The following ABCA8 variants were observed in gnomAD, a reference collection of about 807,000 sequenced individuals.
The protein encoded by ABCA8 is ATP binding cassette subfamily A member 8.
In ABCA8, 177 loss-of-function variants were observed where a neutral mutation model predicts 192.3. That is an observed-to-expected ratio of 0.92 (90% CI 0.81 to 1.04). The LOEUF (loss-of-function observed/expected upper bound fraction) is 1.04. ABCA8 is among the 50% of genes least tolerant of loss of function. The probability of loss-of-function intolerance (pLI) is 0.00; values close to 1 mark genes in which losing one functional copy is unlikely to be tolerated. For synonymous variants in ABCA8, 642 were observed against 690.2 expected (o/e 0.93, Z 1.09); for missense variants, 1,915 against 1,904.8 (o/e 1.01, Z -0.10).
chr17:68,927,842 T>C (rs2067745002), intron 10 of ABCA8, 74 bp downstream of exon 10: 1 of 1,142,232 alleles, frequency 8.8e-7, no homozygotes, highest in Admixed American at 3.1e-5. Context: ...ATAAATAGTA[T>C]ATCCATTAGG....
chr17:68,948,499 G>A (rs1386208489), intron 2 of ABCA8, among the ~76,000 whole-genome samples: 4 of 152,098 alleles, frequency 2.6e-5, no homozygotes, highest in African/African-American at 9.7e-5. Context: ...GTGATCAGTG[G>A]TGATGAGTTT....
rs151008920 is a variant in ABCA8, at chr17:68,934,203, A to C, written c.467-932T>G. 7.9e-5 allele frequency among the ~76,000 whole-genome samples: 12 copies of C among 152,028 alleles called. No homozygotes were observed. In the East Asian group the frequency reaches 2.3e-3, roughly 29 times the overall value. ...CTCATTTAATTTTTTCTTCTTTTTTATGGTTATGGAATCCCATTGCAGGAA... is the reference window on the plus strand; with the variant it reads ...CTCATTTAATTTTTTCTTCTTTTTTCTGGTTATGGAATCCCATTGCAGGAA... On this transcript the variant is annotated intron_variant, in intron 5 of 39. Coordinates refer to ENST00000586539, the MANE Select transcript of ABCA8 (RefSeq NM_001288985.2).
At position 68,928,002 on chromosome 17, in the gene ABCA8, T is replaced by A; in HGVS notation, c.1187A>T (p.Asn396Ile). 6.2e-7 allele frequency: 1 copy of A among 1,608,450 alleles called. No individual in the cohort carries two copies. Among genetic ancestry groups the A allele is most frequent in the Non-Finnish European group, 8.5e-7 (1 of 1,177,862 alleles). Residue 396 changes from asparagine (N) to isoleucine (I), a missense_variant, in exon 10 of 40, where the codon AAT becomes ATT. By Grantham distance (149) the Asn-to-Ile change is moderately radical. Transcript: ENST00000586539. Reference sequence around the variant, plus strand: ...CATGAAATTTGTTGCTACAATGAGATTTGAGCCGTCCGATGGATGAGGAAA... The same window carrying A: ...CATGAAATTTGTTGCTACAATGAGAATTGAGCCGTCCGATGGATGAGGAAA... ...NAFPHPSDGS[N>I]LIVATNFMLA...
chr17:68,883,009 T>C (rs2066371822), intron 29 of ABCA8, among the ~76,000 whole-genome samples: 1 of 152,238 alleles, frequency 6.6e-6, no homozygotes, highest in Non-Finnish European at 1.5e-5. Context: ...GACATCATTA[T>C]GTTTTCATGG....
intron 10 of ABCA8, among the ~76,000 whole-genome samples, chr17:68,927,365 T>TA (rs1208617876): frequency 6.6e-6 from 1 of 152,368 alleles, no homozygotes; most frequent in East Asian, 1.9e-4. Context: ...TGCTTTTGTG[T>TA]AACTCATATT....
chr17:68,894,681 G>T, intron 22 of ABCA8, 199 bp downstream of exon 22: 1 of 586,362 alleles, frequency 1.7e-6, no homozygotes, highest in Non-Finnish European at 2.9e-6. Flanking sequence ...GTATTCTATA[G>T]TATGTATTTT....
chr17:68,910,271 C>T (rs2067199812), intron 17 of ABCA8, among the ~76,000 whole-genome samples: 1 of 152,164 alleles, frequency 6.6e-6, no homozygotes, highest in South Asian at 2.1e-4. Context: ...AACTTCCCAT[C>T]CTTGGCAGCA....
At chr17:68,902,981 A>G in intron 20 of ABCA8, 102 bp from the exon 21 acceptor site, 1 of 1,021,756 alleles carries the variant, frequency 9.8e-7, no homozygotes, top group East Asian at 2.5e-5. Context: ...TATAAAAATT[A>G]AACACAATTA....
rs1280588624 is a variant in ABCA8 at position 68,894,875 on chromosome 17, C to T, written c.2898+5G>A. 3 of 1,611,014 alleles carry T rather than the reference C, an allele frequency of 1.9e-6. No homozygotes were observed. Among genetic ancestry groups the T allele is most frequent in the South Asian group, 1.1e-5 (1 of 90,396 alleles). On this transcript the variant is annotated splice_donor_5th_base_variant and intron_variant, in intron 22 of 39. Coordinates refer to ENST00000586539, the MANE Select transcript of ABCA8 (RefSeq NM_001288985.2). ...TTTCAGAAAGATTATTAGAGACCTGCATACCTTTTCATTACAACACACTGT... is the reference window on the plus strand; with the variant it reads ...TTTCAGAAAGATTATTAGAGACCTGTATACCTTTTCATTACAACACACTGT...
chr17:68,887,961 TATACAC>T (rs1193278423), intron 24 of ABCA8, among the ~76,000 whole-genome samples: 7 of 135,724 alleles, frequency 5.2e-5, no homozygotes, highest in Non-Finnish European at 9.3e-5. Flanking sequence ...TATGGATATA[TATACAC>T]ACACATATAT....
chr17:68,872,238 A>C (rs1317293647), intron 37 of ABCA8, among the ~76,000 whole-genome samples: 1 of 152,152 alleles, frequency 6.6e-6, no homozygotes, highest in Non-Finnish European at 1.5e-5. Flanking sequence ...ACACCATGGA[A>C]TACTATGCAG....
intron 26 of ABCA8, among the ~76,000 whole-genome samples, chr17:68,885,714 A>G (rs914288342): frequency 2.0e-5 from 3 of 151,874 alleles, no homozygotes; most frequent in African/African-American, 7.3e-5. Context: ...TGCCCAGCTA[A>G]TATTTTTGTA....
At chr17:68,902,453 A>G (rs895839142) in intron 21 of ABCA8, among the ~76,000 whole-genome samples, 1 of 152,226 alleles carries the variant, frequency 6.6e-6, no homozygotes, top group Non-Finnish European at 1.5e-5. Context: ...TGTGAAGTAT[A>G]TCTTAATGAA....
chr17:68,914,606 A>G (rs1171708857), intron 17 of ABCA8, among the ~76,000 whole-genome samples: 3 of 152,156 alleles, frequency 2.0e-5, no homozygotes, highest in Admixed American at 6.5e-5. Context: ...AAAGATCTCT[A>G]TAGTGAAAAC....
rs200333155 is a variant in ABCA8, at chr17:68,871,597, G to GT, written c.4632-1819dup. ...TAGCACATTCTTAATTGGGTTATTA[G>GT]TTTTTTTTTGCTACTGGAGTTTAGG... On this transcript the variant is annotated intron_variant, in intron 37 of 39. Coordinates refer to ENST00000586539, the MANE Select transcript of ABCA8 (RefSeq NM_001288985.2). Among the ~76,000 whole-genome samples, 50 of 151,216 alleles carry GT rather than the reference G, an allele frequency of 3.3e-4. No homozygotes were observed. In the East Asian group the frequency reaches 5.4e-3, roughly 16 times the overall value.
chr17:68,918,618 T>C lies in ABCA8; in HGVS notation c.1789-72A>G. 4 of 1,383,480 alleles carry C rather than the reference T, an allele frequency of 2.9e-6. No homozygotes were observed. The South Asian group carries it at 6.2e-5, about 22-fold the overall frequency. The allele number at this position is 1,383,480 out of a possible 1,614,324, so 85.7% of individuals were successfully genotyped here. A position where few individuals can be genotyped will look rare whatever the true frequency, so the allele number is the denominator to read the frequency against. ...TTTTAAAAATTTATAAATACAAGGC[T>C]GTAAAGTGTAAATGGTTAAAAGCAC... On this transcript the variant is annotated intron_variant, in intron 14 of 39. Transcript: ENST00000586539.
chr17:68,890,063 ATACT>A (rs1040945543), intron 24 of ABCA8, among the ~76,000 whole-genome samples: 2 of 152,284 alleles, frequency 1.3e-5, no homozygotes, highest in African/African-American at 4.8e-5. Flanking sequence ...TTTTGAGTAA[ATACT>A]TAGGAGAAGA....
intron 32 of ABCA8, 180 bp downstream of exon 32, chr17:68,880,940 C>T (rs1053065449): frequency 3.9e-5 from 24 of 608,356 alleles, no homozygotes; most frequent in Middle Eastern, 4.4e-4. Context: ...TCTGTGACAA[C>T]CTTTCAGTGC....
intron 1 of ABCA8, among the ~76,000 whole-genome samples, chr17:68,950,962 A>T (rs1255598812): frequency 1.3e-5 from 2 of 152,036 alleles, no homozygotes; most frequent in Non-Finnish European, 2.9e-5. Context: ...CCTTGAGTGT[A>T]TCTGCTTGTT....
Sources: allele counts gnomAD v4.1 joint callset (sites outside exome capture counted in the v4.1 genomes callset), GRCh38; gene constraint gnomAD v4.1.1; transcripts MANE v1.5; gene names NCBI Gene and HGNC (gene_info 2026-07-23, HGNC 2026-07-21).